The following ZNF385D variants were observed in gnomAD, a reference collection of about 807,000 sequenced individuals.
ZNF385D encodes the protein zinc finger protein 659.
Under a neutral mutation model 35.8 loss-of-function variants are expected in ZNF385D, and 15 were observed. The ratio of observed to expected loss-of-function variants is 0.42; its 90% CI spans 0.28 to 0.64. The LOEUF (loss-of-function observed/expected upper bound fraction) is 0.64. Ranked by LOEUF, ZNF385D falls within the 30% of genes least tolerant of loss-of-function variation. The pLI, the probability that ZNF385D is intolerant of heterozygous loss-of-function variation, is 0.23. For missense variants in ZNF385D, 474 were observed against 494.6 expected (o/e 0.96, Z 0.39); for synonymous variants, 212 against 186.8 (o/e 1.13, Z -1.10).
chr3:21,806,311 T>G (rs1284181687), intron 3 of ZNF385D, among the ~76,000 whole-genome samples: 1 of 151,990 alleles, frequency 6.6e-6, no homozygotes, highest in Non-Finnish European at 1.5e-5. Flanking sequence ...TTCACGCCAT[T>G]CTACTGCCTC....
rs1699820295 is a variant in ZNF385D at position 21,908,796 on chromosome 3, A to AT, written c.326-243769_326-243768insA. 2.0e-5 allele frequency among the ~76,000 whole-genome samples: 3 copies of AT among 152,226 alleles called. No homozygotes were observed. The South Asian group carries it at 6.2e-4, about 32-fold the overall frequency. The stretch of plus-strand genomic sequence containing the variant: ...AGGAATAACTAGTTCTTTAAAAAAA[A>AT]CAACAACCTTTGCCTGGGAAACATG... On this transcript the variant is annotated intron_variant, in intron 3 of 5. Coordinates refer to the ZNF385D transcript ENST00000494108.
At chr3:21,810,943 C>G (rs1230897537) in intron 3 of ZNF385D, among the ~76,000 whole-genome samples, 1 of 134,238 alleles carries the variant, frequency 7.4e-6, no homozygotes, top group Non-Finnish European at 1.5e-5. Flanking sequence ...CACAGCACAT[C>G]ACACACACAC....
intron 3 of ZNF385D, among the ~76,000 whole-genome samples, chr3:21,782,667 G>A (rs1270764615): frequency 2.6e-5 from 4 of 152,072 alleles, no homozygotes; most frequent in South Asian, 2.1e-4. Flanking sequence ...CATAACAAAT[G>A]TAACTCTATT....
chr3:21,810,379 T>C (rs939091341), intron 3 of ZNF385D, among the ~76,000 whole-genome samples: 2 of 95,452 alleles, frequency 2.1e-5, no homozygotes, highest in Admixed American at 2.5e-4. Context: ...CTGTCGGGGG[T>C]GGGGGCTGGG....
At chr3:22,309,419 C>CTTG (rs1458511742) in intron 2 of ZNF385D, among the ~76,000 whole-genome samples, 1 of 152,028 alleles carries the variant, frequency 6.6e-6, no homozygotes, top group African/African-American at 2.4e-5. Flanking sequence ...AAGGCATGAC[C>CTTG]TTGTCCCAGT....
intron 3 of ZNF385D, among the ~76,000 whole-genome samples, chr3:21,541,586 C>T (rs919993736): frequency 6.6e-6 from 1 of 152,128 alleles, no homozygotes; most frequent in Non-Finnish European, 1.5e-5. Flanking sequence ...ATATGAGTTA[C>T]CTTTTCTTAA....
intron 3 of ZNF385D, among the ~76,000 whole-genome samples, chr3:22,001,018 G>T (rs1695807850): frequency 6.6e-6 from 1 of 151,576 alleles, no homozygotes; most frequent in African/African-American, 2.4e-5. Context: ...AGGAATCAAA[G>T]GTTACTGAAT....
intron 3 of ZNF385D, among the ~76,000 whole-genome samples, chr3:22,084,840 A>C (rs1012191160): frequency 1.3e-5 from 2 of 152,214 alleles, no homozygotes; most frequent in Non-Finnish European, 2.9e-5. Context: ...AGCACTCCTC[A>C]GCAATGTAAA....
At chr3:21,738,872 G>C (rs2069372699) in intron 1 of ZNF385D, among the ~76,000 whole-genome samples, 1 of 152,200 alleles carries the variant, frequency 6.6e-6, no homozygotes, top group South Asian at 2.1e-4. Context: ...AGCAAGAGTA[G>C]CTTCTGCTTT....
chr3:22,137,868 G>A (rs987111081), intron 3 of ZNF385D, among the ~76,000 whole-genome samples: 3 of 151,918 alleles, frequency 2.0e-5, no homozygotes, highest in Non-Finnish European at 4.4e-5. Context: ...TAGGAAAAGA[G>A]GAAGTCAAAT....
At chr3:21,745,930 C>T (rs1317601151) in intron 1 of ZNF385D, among the ~76,000 whole-genome samples, 2 of 152,154 alleles carry the variant, frequency 1.3e-5, no homozygotes, top group African/African-American at 4.8e-5. Context: ...TAATGTCTAT[C>T]TTATTAAGTC....
chr3:22,257,166 C>G (rs142638968), intron 2 of ZNF385D, among the ~76,000 whole-genome samples: 8 of 151,778 alleles, frequency 5.3e-5, no homozygotes, highest in East Asian at 1.9e-4. Flanking sequence ...GCTTCTCAGT[C>G]TCACCAGAGA....
At chr3:22,025,003 C>T (rs555912674) in intron 3 of ZNF385D, among the ~76,000 whole-genome samples, 41 of 152,204 alleles carry the variant, frequency 2.7e-4, no homozygotes, top group Admixed American at 1.3e-3. Flanking sequence ...AAGATGCGTG[C>T]GCAGCCTCAC....
intron 3 of ZNF385D, among the ~76,000 whole-genome samples, chr3:22,148,259 C>T (rs1704990216): frequency 6.6e-6 from 1 of 152,094 alleles, no homozygotes; most frequent in Non-Finnish European, 1.5e-5. Flanking sequence ...CCTAAAAGAG[C>T]CATAGTCCAG....
chr3:21,751,500 GC>G (rs113074090), upstream of ZNF385D: 945 of 963,374 alleles, frequency 9.8e-4, 7 homozygotes, highest in African/African-American at 0.015. Context: ...CTTTTACCCC[GC>G]CCCTCCTGTG....
intron 3 of ZNF385D, among the ~76,000 whole-genome samples, chr3:21,822,967 G>A (rs530751848): frequency 6.6e-6 from 1 of 152,064 alleles, no homozygotes; most frequent in Admixed American, 6.6e-5. Context: ...AAATTCAGAA[G>A]AGTAAGTTAC....
intron 3 of ZNF385D, among the ~76,000 whole-genome samples, chr3:22,131,646 C>T (rs765610781): frequency 1.3e-5 from 2 of 152,096 alleles, no homozygotes; most frequent in Non-Finnish European, 2.9e-5. Flanking sequence ...GCAAAGAGAA[C>T]AGATGTTTAT....
chr3:22,090,868 C>T (rs975653730), intron 3 of ZNF385D, among the ~76,000 whole-genome samples: 7 of 152,146 alleles, frequency 4.6e-5, no homozygotes, highest in Admixed American at 3.3e-4. Flanking sequence ...TTGTAATAAC[C>T]TCACCTGTTG....
At chr3:21,795,750 A>G (rs2072121567) in intron 3 of ZNF385D, among the ~76,000 whole-genome samples, 2 of 152,222 alleles carry the variant, frequency 1.3e-5, no homozygotes, top group African/African-American at 4.8e-5. Context: ...ATTAAAAAAT[A>G]AAATAAAAAG....
Sources: gnomAD v4.1 joint callset for allele counts (sites outside exome capture counted in the v4.1 genomes callset) on GRCh38, gnomAD v4.1.1 for gene constraint, MANE v1.5 for transcripts, NCBI Gene and HGNC (gene_info 2026-07-23, HGNC 2026-07-21) for gene names.